NINL: variants seen among roughly 807,000 people sequenced by gnomAD.
NINL encodes the protein ninein like.
Under a neutral mutation model 160.3 loss-of-function variants are expected in NINL, and 153 were observed. The ratio of observed to expected loss-of-function variants is 0.95; its 90% CI spans 0.84 to 1.09. The LOEUF (loss-of-function observed/expected upper bound fraction) is 1.09, where lower values mean the gene tolerates loss of function less well. Ranked by LOEUF, NINL falls within the 50% of genes least tolerant of loss-of-function variation. The pLI is 0.00. For synonymous variants in NINL, 800 were observed against 734.8 expected (o/e 1.09, Z -1.43); for missense variants, 1,829 against 1,764.0 (o/e 1.04, Z -0.66).
intron 16 of NINL, 30 bp from the exon 17 acceptor site, chr20:25,477,119 G>A (rs772097317): frequency 1.3e-6 from 2 of 1,534,054 alleles, no homozygotes; most frequent in South Asian, 2.5e-5. Context: ...ACACACCACA[G>A]CCCTGCCGCC....
In NINL at chr20:25,476,628, G is replaced by T. The variant is rs760242811; in HGVS notation, c.2663C>A (p.Thr888Lys). The T allele has an allele frequency of 2.5e-6, 4 of 1,591,994 alleles. No individual in the cohort carries two copies. Among genetic ancestry groups the T allele is most frequent in the South Asian group, 2.2e-5 (2 of 89,706 alleles). Residue 888 changes from threonine (T) to lysine (K), a missense_variant, in exon 17 of 24, where the codon ACG becomes AAG. By Grantham distance (78) the Thr-to-Lys change is moderately conservative. Transcript: ENST00000278886. ...RRRQAQDTEA[T>K]QSPAPAPAPA... ...GGCAGGGGCGGGGGCCGGGCTCTGCGTAGCTTCTGTGTCCTGGGCTTGCCT... is the reference window on the plus strand; with the variant it reads ...GGCAGGGGCGGGGGCCGGGCTCTGCTTAGCTTCTGTGTCCTGGGCTTGCCT...
chr20:25,582,586 C>A (rs2065185988), intron 1 of NINL, among the ~76,000 whole-genome samples: 1 of 152,228 alleles, frequency 6.6e-6, no homozygotes, highest in Admixed American at 6.5e-5. Flanking sequence ...TACATAAACA[C>A]ACATCCCACT....
chr20:25,502,058 T>C (rs751678255), intron 7 of NINL, among the ~76,000 whole-genome samples: 11 of 152,232 alleles, frequency 7.2e-5, no homozygotes, highest in Non-Finnish European at 1.2e-4. Context: ...CTCAGCTCAC[T>C]GAAACTTCTG....
At chr20:25,518,990 G>A (rs2064214119) in intron 2 of NINL, among the ~76,000 whole-genome samples, 1 of 151,788 alleles carries the variant, frequency 6.6e-6, no homozygotes, top group African/African-American at 2.4e-5. Context: ...CCCACTACTT[G>A]GGAGGCTGAG....
At chr20:25,510,775 C>T (rs776687916) in intron 4 of NINL, 35 bp from the exon 5 acceptor site, 3 of 1,546,946 alleles carry the variant, frequency 1.9e-6, no homozygotes, top group Admixed American at 3.4e-5. Flanking sequence ...CTGTGAGTTC[C>T]AGGGGGTGCT....
rs760019204 is a variant in NINL at position 25,498,182 on chromosome 20, C to A, written c.1169+28G>T. The A allele has an allele frequency of 5.6e-6, 9 of 1,610,116 alleles. No individual in the cohort carries two copies. The South Asian group carries it at 9.9e-5, about 18-fold the overall frequency. ...GCCCACCTGGCCAGCCACACTGCCA[C>A]GTTCCCCAGTCCCCTGTGGCCTCTT... On this transcript the variant is annotated intron_variant, in intron 9 of 23. Transcript: ENST00000278886.
chr20:25,534,747 A>G (rs892895978), intron 1 of NINL, among the ~76,000 whole-genome samples: 2 of 152,160 alleles, frequency 1.3e-5, no homozygotes, highest in Non-Finnish European at 2.9e-5. Context: ...TGGTTCCAGG[A>G]CCTCTCATGG....
At chr20:25,548,669 C>T (rs1483672980) in intron 1 of NINL, among the ~76,000 whole-genome samples, 1 of 151,486 alleles carries the variant, frequency 6.6e-6, no homozygotes, top group Non-Finnish European at 1.5e-5. Context: ...ACCCCGGCAC[C>T]CACGACCACA....
rs1185361945 is a variant in NINL at position 25,462,491 on chromosome 20, T to C, written c.3474A>G (p.Gln1158=). 1.2e-6 allele frequency: 2 copies of C among 1,614,196 alleles called. No individual in the cohort carries two copies. The highest frequency in any genetic ancestry group is 1.7e-6 in the Non-Finnish European group (2 of 1,180,022). The change falls in exon 20 of 24, where the codon CAA becomes CAG. Residue 1158 remains glutamine (Q), a synonymous_variant. Transcript: ENST00000278886. ...QLSQLNVRVL[Q]LGQEASTHQA... is the part of the protein sequence containing the mutation. ...GGTGGGTAGAAGCCTCCTGTCCCAG[T>C]TGAAGAACCCTGACATTGAGCTGGG...
intron 7 of NINL, among the ~76,000 whole-genome samples, chr20:25,501,870 C>T (rs966732166): frequency 6.6e-6 from 1 of 152,242 alleles, no homozygotes; most frequent in Non-Finnish European, 1.5e-5. Flanking sequence ...CTCAAGTGAT[C>T]TGCTTGCCTT....
chr20:25,528,504 T>C (rs553743855), intron 1 of NINL, among the ~76,000 whole-genome samples: 1 of 152,256 alleles, frequency 6.6e-6, no homozygotes, highest in South Asian at 2.1e-4. Flanking sequence ...GAGGAAAATA[T>C]ATTTAAAAAA....
At chr20:25,557,717 A>C (rs997523998) in intron 1 of NINL, among the ~76,000 whole-genome samples, 2 of 152,216 alleles carry the variant, frequency 1.3e-5, no homozygotes, top group Non-Finnish European at 2.9e-5. Context: ...GCATATTTGG[A>C]TATTTAAACT....
Position 25,505,865 on chromosome 20 carries a change from C to G in NINL, c.518-787G>C, listed in dbSNP as rs115517675. On this transcript the variant is annotated intron_variant, in intron 5 of 23. Transcript: ENST00000278886. ...ATGCCACAGTTGTTTGCACTTCACT[C>G]TGTTTACAAATTTTCAAAATAAATC... Among the ~76,000 whole-genome samples, 541 of 151,594 alleles carry G rather than the reference C, an allele frequency of 3.6e-3. 3 individuals are homozygous for G. Among genetic ancestry groups the G allele is most frequent in the African/African-American group, 0.012 (508 of 41,324 alleles).
At chr20:25,477,421 A>G (rs1237681770) in intron 16 of NINL, among the ~76,000 whole-genome samples, 1 of 152,188 alleles carries the variant, frequency 6.6e-6, no homozygotes, top group Non-Finnish European at 1.5e-5. Context: ...CAAGCCCTCA[A>G]GGCTCCCAAC....
intron 17 of NINL, among the ~76,000 whole-genome samples, chr20:25,472,323 G>C (rs868763659): frequency 0.014 from 771 of 54,554 alleles, 6 homozygotes; most frequent in African/African-American, 0.049. Context: ...TGGGAGGAGA[G>C]GATATATATA....
intron 7 of NINL, 139 bp downstream of exon 7, chr20:25,503,813 C>T: frequency 3.0e-6 from 3 of 1,008,428 alleles, no homozygotes; most frequent in Non-Finnish European, 4.6e-6. Context: ...CTCCCATATA[C>T]ATGCGTGTGT....
intron 1 of NINL, among the ~76,000 whole-genome samples, chr20:25,549,670 G>A (rs1327298167): frequency 6.6e-6 from 1 of 152,210 alleles, no homozygotes; most frequent in East Asian, 1.9e-4. Flanking sequence ...GTGGCCTGAG[G>A]TCGTGCAGCA....
chr20:25,460,939 T>C (rs903759626), intron 21 of NINL, among the ~76,000 whole-genome samples: 1 of 152,046 alleles, frequency 6.6e-6, no homozygotes, highest in Non-Finnish European at 1.5e-5. Flanking sequence ...CACCTGCTCT[T>C]CTCCTCTCCC....
At chr20:25,557,013 T>C (rs1023866948) in intron 1 of NINL, among the ~76,000 whole-genome samples, 2 of 152,168 alleles carry the variant, frequency 1.3e-5, no homozygotes, top group Non-Finnish European at 2.9e-5. Context: ...TGAGGAGTGA[T>C]TGCTAACAGG....
Sources: gnomAD v4.1 joint callset for allele counts (sites outside exome capture counted in the v4.1 genomes callset) on GRCh38, gnomAD v4.1.1 for gene constraint, MANE v1.5 for transcripts, NCBI Gene and HGNC (gene_info 2026-07-23, HGNC 2026-07-21) for gene names.